CDH7: variants seen among roughly 807,000 people sequenced by gnomAD.
The protein encoded by CDH7 is cadherin-7.
In CDH7, 25 loss-of-function variants were observed where a neutral mutation model predicts 71.8. The ratio of observed to expected loss-of-function variants is 0.35; its 90% CI spans 0.25 to 0.49. CDH7 has a LOEUF of 0.49. CDH7 is among the 20% of genes least tolerant of loss of function. The probability of loss-of-function intolerance (pLI) is 0.99; values close to 1 mark genes in which losing one functional copy is unlikely to be tolerated. For missense variants in CDH7, 862 were observed against 974.6 expected, an observed-to-expected ratio of 0.88 and a Z score of 1.54; for synonymous variants, 381 against 363.8, an observed-to-expected ratio of 1.05 and a Z score of -0.54.
chr18:65,802,414 C>G (rs1164783690), intron 2 of CDH7, among the ~76,000 whole-genome samples: 1 of 152,188 alleles, frequency 6.6e-6, no homozygotes, highest in Non-Finnish European at 1.5e-5. Context: ...CTCTCAAATT[C>G]TGTTTTTATC....
intron 2 of CDH7, among the ~76,000 whole-genome samples, chr18:65,798,078 G>T (rs1159030439): frequency 1.3e-5 from 2 of 152,318 alleles, no homozygotes; most frequent in African/African-American, 4.8e-5. Flanking sequence ...AGGAGGGCAT[G>T]CAAACTGGGT....
intron 2 of CDH7, among the ~76,000 whole-genome samples, chr18:65,777,882 G>C (rs1278921594): frequency 6.6e-6 from 1 of 152,102 alleles, no homozygotes; most frequent in Non-Finnish European, 1.5e-5. Flanking sequence ...ATTTTGGTCT[G>C]TATTTTTCAG....
intron 2 of CDH7, among the ~76,000 whole-genome samples, chr18:65,804,504 G>A: frequency 6.6e-6 from 1 of 152,158 alleles, no homozygotes; most frequent in East Asian, 1.9e-4. Flanking sequence ...GAAAGTGGTA[G>A]ACCAGGTAGT....
chr18:65,854,394 G>T (rs1913273951), intron 7 of CDH7, among the ~76,000 whole-genome samples: 1 of 152,080 alleles, frequency 6.6e-6, no homozygotes, highest in Non-Finnish European at 1.5e-5. Context: ...TGTTGCCCAT[G>T]TTTTTTCAAA....
intron 1 of CDH7, among the ~76,000 whole-genome samples, chr18:65,755,104 T>C (rs1568168104): frequency 6.6e-6 from 1 of 152,224 alleles, no homozygotes; most frequent in African/African-American, 2.4e-5. Flanking sequence ...AAATCTACTT[T>C]GTTTCACTTT....
chr18:65,829,615 A>C (rs972397326), intron 6 of CDH7, among the ~76,000 whole-genome samples: 6 of 151,914 alleles, frequency 3.9e-5, no homozygotes, highest in Non-Finnish European at 7.4e-5. Flanking sequence ...CAGTTCTTCA[A>C]ACCTCCCCCT....
At chr18:65,825,343 A>C (rs1052865777) in intron 6 of CDH7, among the ~76,000 whole-genome samples, 1 of 151,914 alleles carries the variant, frequency 6.6e-6, no homozygotes, top group Non-Finnish European at 1.5e-5. Context: ...AAGCATGAAA[A>C]GTTGTAAAAC....
chr18:65,803,597 A>G (rs1382191959), intron 2 of CDH7: 1 of 152,152 alleles, frequency 6.6e-6, no homozygotes, highest in Non-Finnish European at 1.5e-5. Flanking sequence ...TTCATCTGTA[A>G]CATTTATTCA....
rs759190447 is a variant in CDH7, at chr18:65,763,121, CTA to C, written c.210+80_210+81del. ...ATGTCTATGGTTTGATGAAAAACTG[CTA>C]TATATATATAAAATTTATTTTTTGC... On this transcript the variant is annotated intron_variant, in intron 2 of 11. Transcript: ENST00000397968. The C allele has an allele frequency of 1.7e-4, 140 of 822,890 alleles. 1 individual carries two copies. Among genetic ancestry groups the C allele is most frequent in the Middle Eastern group, 4.0e-4 (1 of 2,490 alleles). The allele number at this position is 822,890 out of a possible 1,614,324, so 51.0% of individuals were successfully genotyped here.
Position 65,794,848 on chromosome 18 carries a change from T to G in CDH7, c.211-14856T>G, listed in dbSNP as rs569401464. Among the ~76,000 whole-genome samples the G allele has an allele frequency of 3.8e-4, 58 of 152,260 alleles. No homozygotes were observed. The South Asian group carries it at 0.012, about 31-fold the overall frequency. On this transcript the variant is annotated intron_variant, in intron 2 of 11. Coordinates refer to ENST00000397968, the MANE Select transcript of CDH7 (RefSeq NM_004361.5). Reference sequence around the variant, plus strand: ...ACTTGGGCAAAAGCCTGAATCCTCTTAATCATAGTTTTCTCATGTATAAAA... The same window carrying G: ...ACTTGGGCAAAAGCCTGAATCCTCTGAATCATAGTTTTCTCATGTATAAAA...
chr18:65,837,181 G>C (rs1912559975), intron 6 of CDH7, among the ~76,000 whole-genome samples: 1 of 152,142 alleles, frequency 6.6e-6, no homozygotes, highest in Non-Finnish European at 1.5e-5. Flanking sequence ...TACCTACTAA[G>C]ATCACTTGCT....
At chr18:65,758,380 T>C (rs1361706608) in intron 1 of CDH7, among the ~76,000 whole-genome samples, 1 of 152,196 alleles carries the variant, frequency 6.6e-6, no homozygotes, top group East Asian at 1.9e-4. Flanking sequence ...TAAGGAAAGG[T>C]GGCACCTGAC....
rs1231672433 is a variant in CDH7, at chr18:65,822,104, A to G, written c.649A>G (p.Asn217Asp). ...KTGVIKTALP[N>D]MDREAKDQYL... is the part of the protein sequence containing the mutation. The stretch of plus-strand genomic sequence containing the variant: ...AGGAGTCATCAAGACTGCCCTTCCA[A>G]ACATGGATAGAGAGGCTAAAGACCA... Residue 217 changes from asparagine (N) to aspartate (D), a missense_variant, in exon 5 of 12, where the codon AAC (asparagine) becomes GAC (aspartate). Coordinates refer to ENST00000397968, the MANE Select transcript of CDH7 (RefSeq NM_004361.5). 7 of 1,613,264 alleles carry G rather than the reference A, an allele frequency of 4.3e-6. No individual in the cohort carries two copies. Among genetic ancestry groups the G allele is most frequent in the Admixed American group, 1.7e-5 (1 of 60,004 alleles).
At chr18:65,860,812 G>T (rs1203741023) in intron 10 of CDH7, among the ~76,000 whole-genome samples, 1 of 152,034 alleles carries the variant, frequency 6.6e-6, no homozygotes, top group East Asian at 1.9e-4. Flanking sequence ...TGCAACCTAG[G>T]CCTCAAAAAA....
At chr18:65,782,043 TTCCTTCCTTCCTTC>T (rs1910288119) in intron 2 of CDH7, among the ~76,000 whole-genome samples, 1 of 66,284 alleles carries the variant, frequency 1.5e-5, no homozygotes, top group African/African-American at 1.3e-4. Flanking sequence ...CCTTCCTTCC[TTCCTTCCTTCCTTC>T]CTTCCTTTCT....
intron 7 of CDH7, among the ~76,000 whole-genome samples, chr18:65,856,490 A>C (rs1034295233): frequency 7.9e-5 from 12 of 152,144 alleles, no homozygotes; most frequent in Non-Finnish European, 5.9e-5. Flanking sequence ...GTGGATAGAG[A>C]GTAAGATGCT....
At chr18:65,857,472 C>A (rs1913406961) in intron 7 of CDH7, among the ~76,000 whole-genome samples, 1 of 151,506 alleles carries the variant, frequency 6.6e-6, no homozygotes, top group African/African-American at 2.4e-5. Flanking sequence ...CACTCCACCC[C>A]AGCCTGGGTG....
At chr18:65,828,099 A>G (rs1912198297) in intron 6 of CDH7, among the ~76,000 whole-genome samples, 1 of 151,656 alleles carries the variant, frequency 6.6e-6, no homozygotes, top group Non-Finnish European at 1.5e-5. Flanking sequence ...CTTAATTTTT[A>G]TTTCCAAAGC....
intron 4 of CDH7, among the ~76,000 whole-genome samples, chr18:65,819,756 G>C (rs8092813): frequency 0.88 from 132,453 of 151,350 alleles, 59,224 homozygotes; most frequent in East Asian, 0.99. Flanking sequence ...GAATGGTAGT[G>C]CAGTCAAAGT....
Sources: gnomAD v4.1 joint callset for allele counts (sites outside exome capture counted in the v4.1 genomes callset) on GRCh38, gnomAD v4.1.1 for gene constraint, MANE v1.5 for transcripts, NCBI Gene and HGNC (gene_info 2026-07-23, HGNC 2026-07-21) for gene names.